Variants in HS6ST3 observed in about 807,000 individuals in gnomAD.
HS6ST3 encodes heparan-sulfate 6-O-sulfotransferase 3.
A neutral mutation model predicts 36.7 loss-of-function variants in HS6ST3; 12 were observed. The observed-to-expected ratio is 0.33, with a 90% CI of 0.21 to 0.53. The LOEUF is 0.53. HS6ST3 is among the 20% of genes least tolerant of loss of function. HS6ST3 has a pLI of 0.95. For missense variants in HS6ST3, 584 were observed against 640.9 expected, an observed-to-expected ratio of 0.91 and a Z score of 0.96; for synonymous variants, 240 against 257.5, an observed-to-expected ratio of 0.93 and a Z score of 0.65.
At chr13:96,331,555 C>T (rs551054950) in intron 1 of HS6ST3, among the ~76,000 whole-genome samples, 1,734 of 151,836 alleles carry the variant, frequency 0.011, 32 homozygotes, top group African/African-American at 0.04. Flanking sequence ...TCTCCAGCTG[C>T]GTGCTGGGAG....
chr13:96,351,061 T>G (rs2055180317), intron 1 of HS6ST3, among the ~76,000 whole-genome samples: 1 of 152,178 alleles, frequency 6.6e-6, no homozygotes, highest in South Asian at 2.1e-4. Context: ...CATGTTTTTA[T>G]CTATTTCTGT....
At chr13:96,419,823 C>G (rs2055554224) in intron 1 of HS6ST3, among the ~76,000 whole-genome samples, 1 of 152,144 alleles carries the variant, frequency 6.6e-6, no homozygotes, top group Non-Finnish European at 1.5e-5. Context: ...TTTGTGTCCA[C>G]ATGGCATTTC....
At chr13:96,788,806 T>C (rs1877715009) in intron 1 of HS6ST3, among the ~76,000 whole-genome samples, 2 of 151,890 alleles carry the variant, frequency 1.3e-5, no homozygotes, top group South Asian at 4.1e-4. Context: ...ATTTTCTTGG[T>C]CTAGAAGTCT....
At chr13:96,722,988 C>CATGTGT (rs1875888608) in intron 1 of HS6ST3, among the ~76,000 whole-genome samples, 1 of 143,568 alleles carries the variant, frequency 7.0e-6, no homozygotes, top group African/African-American at 2.6e-5. Context: ...AAAAAATATA[C>CATGTGT]GTGTGTGTGT....
chr13:96,281,284 G>A lies in HS6ST3; in HGVS notation c.707+189715G>A, dbSNP rs796592272. ...CTCCCAAAGTGCTGTGATTACAGGC[G>A]TGAGCCACCGCGCCTAGCCCAGAAA... On this transcript the variant is annotated intron_variant, in intron 1 of 1. Transcript: ENST00000376705. Among the ~76,000 whole-genome samples the A allele has an allele frequency of 1.6e-4, 25 of 152,168 alleles. 1 individual carries two copies. The highest frequency in any genetic ancestry group is 1.4e-3 in the Admixed American group (22 of 15,274).
intron 1 of HS6ST3, among the ~76,000 whole-genome samples, chr13:96,499,941 T>A (rs2055996013): frequency 2.0e-5 from 3 of 152,196 alleles, no homozygotes; most frequent in African/African-American, 7.2e-5. Context: ...TCAGATATGA[T>A]TCATATATCA....
chr13:96,404,179 G>A (rs1411893823), intron 1 of HS6ST3, among the ~76,000 whole-genome samples: 1 of 152,094 alleles, frequency 6.6e-6, no homozygotes, highest in Non-Finnish European at 1.5e-5. Context: ...AGAAGACTGG[G>A]GAAGTTATCC....
intron 1 of HS6ST3, among the ~76,000 whole-genome samples, chr13:96,716,808 AG>A (rs1875708703): frequency 1.3e-5 from 2 of 152,242 alleles, no homozygotes; most frequent in Non-Finnish European, 2.9e-5. Flanking sequence ...GATAGCATAC[AG>A]TAACCGTAAA....
intron 1 of HS6ST3, among the ~76,000 whole-genome samples, chr13:96,549,180 C>T (rs113647836): frequency 0.013 from 1,965 of 152,276 alleles, 40 homozygotes; most frequent in African/African-American, 0.039. Flanking sequence ...CTCCAGTTCT[C>T]CAAGACTGAC....
chr13:96,795,906 C>T (rs1594861911), intron 1 of HS6ST3, among the ~76,000 whole-genome samples: 1 of 152,088 alleles, frequency 6.6e-6, no homozygotes, highest in Admixed American at 6.6e-5. Flanking sequence ...TGGCCCAGCA[C>T]AATGACAATC....
chr13:96,607,593 G>A (rs970507075), intron 1 of HS6ST3, among the ~76,000 whole-genome samples: 1 of 152,182 alleles, frequency 6.6e-6, no homozygotes, highest in Admixed American at 6.5e-5. Flanking sequence ...TGAGAGTACA[G>A]ACAGTGTAAG....
chr13:96,270,586 A>T (rs2054714860), intron 1 of HS6ST3, among the ~76,000 whole-genome samples: 1 of 149,648 alleles, frequency 6.7e-6, no homozygotes, highest in South Asian at 2.1e-4. Context: ...GGATTCATTC[A>T]GTCACTCATT....
chr13:96,605,531 C>T (rs1382667932), intron 1 of HS6ST3, among the ~76,000 whole-genome samples: 8 of 152,046 alleles, frequency 5.3e-5, no homozygotes, highest in South Asian at 2.1e-4. Context: ...ATTGTTCATA[C>T]GATCATCCAC....
chr13:96,455,745 A>G (rs2055751649), intron 1 of HS6ST3, among the ~76,000 whole-genome samples: 1 of 152,162 alleles, frequency 6.6e-6, no homozygotes, highest in Non-Finnish European at 1.5e-5. Flanking sequence ...AATAATTTAG[A>G]ATTTTGACTT....
At chr13:96,611,932 GA>G (rs767294896) in intron 1 of HS6ST3, among the ~76,000 whole-genome samples, 1 of 152,134 alleles carries the variant, frequency 6.6e-6, no homozygotes, top group Non-Finnish European at 1.5e-5. Context: ...TCTGTGTCAG[GA>G]AAGTAACATG....
intron 1 of HS6ST3, among the ~76,000 whole-genome samples, chr13:96,400,623 A>G (rs2055446395): frequency 6.6e-6 from 1 of 152,066 alleles, no homozygotes; most frequent in Non-Finnish European, 1.5e-5. Context: ...GAAGAGGGAT[A>G]TTGATGGGAA....
intron 1 of HS6ST3, among the ~76,000 whole-genome samples, chr13:96,494,350 A>T (rs1171488009): frequency 7.1e-6 from 1 of 141,664 alleles, no homozygotes; most frequent in African/African-American, 2.6e-5. Flanking sequence ...CAACAAGAAC[A>T]ATGGACACAG....
At chr13:96,318,079 T>C (rs1243260070) in intron 1 of HS6ST3, among the ~76,000 whole-genome samples, 2 of 152,182 alleles carry the variant, frequency 1.3e-5, no homozygotes, top group East Asian at 3.9e-4. Context: ...AAATTTTTGT[T>C]CTTATTACAA....
chr13:96,131,933 T>A (rs1318915610), intron 1 of HS6ST3, among the ~76,000 whole-genome samples: 1 of 152,134 alleles, frequency 6.6e-6, no homozygotes, highest in Non-Finnish European at 1.5e-5. Flanking sequence ...TTTTATATGG[T>A]ACTCTACTTT....
Sources: gnomAD v4.1 joint callset for allele counts (sites outside exome capture counted in the v4.1 genomes callset) on GRCh38, gnomAD v4.1.1 for gene constraint, MANE v1.5 for transcripts, NCBI Gene and HGNC (gene_info 2026-07-23, HGNC 2026-07-21) for gene names.